Variants in RNF213 observed in about 807,000 individuals in gnomAD.
RNF213 encodes E3 ubiquitin-protein ligase RNF213.
RNF213 carries 341 observed loss-of-function variants against 514.4 expected under a neutral mutation model. That is an observed-to-expected ratio of 0.66 (90% CI 0.61 to 0.73). The LOEUF (loss-of-function observed/expected upper bound fraction) is 0.73. Among genes scored for constraint, RNF213 ranks in the 30% least tolerant of loss-of-function variants. The pLI is 0.00. For missense variants in RNF213, 5,767 were observed against 6,615.6 expected (o/e 0.87, Z 4.45); for synonymous variants, 2,655 against 2,658.2 (o/e 1.00, Z 0.04).
At chr17:80,305,351 G>A (rs2045321702) in intron 11 of RNF213, among the ~76,000 whole-genome samples, 1 of 151,224 alleles carries the variant, frequency 6.6e-6, no homozygotes, top group African/African-American at 2.4e-5. Context: ...GCTAATTTAG[G>A]ATTTTTAGTA....
intron 41 of RNF213, 97 bp from the exon 42 acceptor site, chr17:80,364,336 G>A: frequency 5.7e-6 from 9 of 1,567,200 alleles, no homozygotes; most frequent in East Asian, 2.2e-5. Flanking sequence ...CCTGGACCCC[G>A]GGTCCCGCAT....
At chr17:80,290,424 AGTGTGCGCGT>A (rs1416628046) in intron 6 of RNF213, 136 bp from the exon 7 acceptor site, 11 of 887,824 alleles carry the variant, frequency 1.2e-5, no homozygotes, top group Non-Finnish European at 1.8e-5. Flanking sequence ...CGTGTGTGCG[AGTGTGCGCGT>A]GTGTGCATGT....
Position 80,263,338 on chromosome 17 carries a change from C to T in RNF213, c.-108-236C>T, listed in dbSNP as rs905166846. 6.6e-6 allele frequency among the ~76,000 whole-genome samples: 1 copy of T among 152,200 alleles called. No homozygotes were observed. Among genetic ancestry groups the T allele is most frequent in the Non-Finnish European group, 1.5e-5 (1 of 68,038 alleles). On this transcript the variant is annotated intron_variant, in intron 1 of 67. Transcript: ENST00000582970. The surrounding 1 kb of genome is among the most constrained non-coding windows in gnomAD (Gnocchi z 4.9). Reference sequence around the variant, plus strand: ...CAGGCCGTGGGACCCTGCCGAACAGCACGTGGCTGCCCCACGCCTGCCTGG... The same window carrying T: ...CAGGCCGTGGGACCCTGCCGAACAGTACGTGGCTGCCCCACGCCTGCCTGG...
In RNF213 at chr17:80,386,430, G is replaced by C; in HGVS notation, c.14720G>C (p.Ser4907Thr). ...GAAAAACTCTCCAAGGAAAACAACA[G>C]GTTTGTGCACGAGCCACCAGGAAGT... ...AVEKLSKENNSYSVDAAEVTE... is the reference protein window; with the variant it reads ...AVEKLSKENNTYSVDAAEVTE... The change falls in exon 62 of 68, where the codon AGC becomes ACC. Residue 4907 changes from serine (S) to threonine (T), a missense_variant and splice_region_variant. Ser to Thr is a moderately conservative substitution (Grantham distance 58, BLOSUM62 1). Transcript: ENST00000582970. 6.2e-7 allele frequency: 1 copy of C among 1,614,074 alleles called. No homozygotes were observed. The highest frequency in any genetic ancestry group is 8.5e-7 in the Non-Finnish European group (1 of 1,180,018).
At position 80,309,023 on chromosome 17, in the gene RNF213, C is replaced by T; in HGVS notation, c.2507C>T (p.Pro836Leu). The change falls in exon 14 of 68, where the codon CCC (proline) becomes CTC (leucine). Residue 836 changes from proline (P) to leucine (L), a missense_variant. Around this residue, in one of 13 missense-constraint regions of RNF213, gnomAD observed 592 missense variants for 673.9 expected, o/e 0.88. Transcript: ENST00000582970. The part of the protein sequence containing the change: ...RLLDTYRDKI[P>L]EEALSPSYLT... ...CTTAACTCTTTGCGGGGCAGGATTC[C>T]CGAGGAGGCCTTGTCACCATCCTAC... 1 of 1,613,984 alleles carries T rather than the reference C, an allele frequency of 6.2e-7. No individual in the cohort carries two copies. The highest frequency in any genetic ancestry group is 8.5e-7 in the Non-Finnish European group (1 of 1,179,996).
In RNF213 at chr17:80,353,746, G is replaced by A; in HGVS notation, c.10578+80G>A. 3 of 1,581,368 alleles carry A rather than the reference G, an allele frequency of 1.9e-6. No individual in the cohort carries two copies. Among genetic ancestry groups the A allele is most frequent in the Non-Finnish European group, 2.6e-6 (3 of 1,151,004 alleles). On this transcript the variant is annotated intron_variant, in intron 34 of 67. Coordinates refer to ENST00000582970, the MANE Select transcript of RNF213 (RefSeq NM_001256071.3). The surrounding 1 kb of genome is among the most constrained non-coding windows in gnomAD (Gnocchi z 5.0). ...GCATCTTTAAACGCTTTTGCATTGGGAGCTAGAGGAGTCGCCGCCGCTGTG... is the reference window on the plus strand; with the variant it reads ...GCATCTTTAAACGCTTTTGCATTGGAAGCTAGAGGAGTCGCCGCCGCTGTG...
At position 80,364,508 on chromosome 17, in the gene RNF213, C is replaced by G. The variant is rs182733073; in HGVS notation, c.11826C>G (p.Pro3942=). 9 of 1,614,026 alleles carry G rather than the reference C, an allele frequency of 5.6e-6. No individual in the cohort carries two copies. Among genetic ancestry groups the G allele is most frequent in the Non-Finnish European group, 7.6e-6 (9 of 1,180,034 alleles). The change falls in exon 42 of 68, where the codon CCC becomes CCG. Residue 3942 remains proline (P), a synonymous_variant. Coordinates refer to ENST00000582970, the MANE Select transcript of RNF213 (RefSeq NM_001256071.3). ...TCCTAGGAACCGAGAGCCGCGTCCC[C>G]GAGTTACAGGGGCTGGTGACCGAGC... ...HVLLGTESRV[P]ELQGLVTEHV... is the part of the protein sequence containing the mutation.
rs2046243036 is a variant in RNF213, at chr17:80,325,050, G to C, written c.3045G>C (p.Gln1015His). Residue 1015 changes from glutamine to histidine, a missense_variant, in exon 18 of 68, where the codon CAG becomes CAC. By Grantham distance (24) the Gln-to-His change is conservative. Transcript: ENST00000582970. The part of the protein sequence containing the change: ...SACQSQTSIL[Q>H]GFSYSDLRKF... ...TGTAGTCTCAGACCAGTATCCTTCA[G>C]GGGTTCTCTTACTCTGATTTGCGGA... is the stretch of plus-strand genomic sequence containing the variant. 1.3e-6 allele frequency: 2 copies of C among 1,537,148 alleles called. No homozygotes were observed. Among genetic ancestry groups the C allele is most frequent in the East Asian group, 4.9e-5 (2 of 40,918 alleles).
In RNF213 at chr17:80,353,705, G is replaced by C. The variant is rs1324456499; in HGVS notation, c.10578+39G>C. ...CTTGGGACCTCCCCTTGTGCTGCTG[G>C]TGATGCTTCTGAGCTGCATCTTTAA... is the stretch of plus-strand genomic sequence containing the variant. On this transcript the variant is annotated intron_variant, in intron 34 of 67. Coordinates refer to ENST00000582970, the MANE Select transcript of RNF213 (RefSeq NM_001256071.3). This position sits in a 1 kb window ranked among gnomAD's most constrained non-coding sequence, Gnocchi z 5.0. 1.2e-6 allele frequency: 2 copies of C among 1,613,414 alleles called. No homozygotes were observed. The highest frequency in any genetic ancestry group is 8.5e-7 in the Non-Finnish European group (1 of 1,179,446).
In RNF213 at chr17:80,333,902, G is replaced by A. The variant is rs77374257; in HGVS notation, c.4144-203G>A. 2.5e-3 allele frequency: 1,461 copies of A among 587,734 alleles called. 23 individuals carry two copies. Among genetic ancestry groups the A allele is most frequent in the African/African-American group, 0.023 (1,252 of 53,844 alleles). 36.4% of individuals were successfully genotyped at this position (587,734 alleles called of 1,614,324 possible). A position where few individuals can be genotyped will look rare whatever the true frequency, so the allele number is the denominator to read the frequency against. On this transcript the variant is annotated intron_variant, in intron 21 of 67. Transcript: ENST00000582970. ...GAATATCAGGTTCCCAGGAATCACA[G>A]TTCATCTTGATCAGGGAGAAACAGC... is the stretch of plus-strand genomic sequence containing the variant.
At chr17:80,338,120 C>T in intron 25 of RNF213, 123 bp downstream of exon 25, 2 of 1,224,038 alleles carry the variant, frequency 1.6e-6, no homozygotes, top group South Asian at 2.8e-5. Flanking sequence ...GGGCTCTGCT[C>T]TTAGGCCCAT....
chr17:80,343,790 G>C lies in RNF213; in HGVS notation c.6184-67G>C. 6.5e-7 allele frequency: 1 copy of C among 1,528,978 alleles called. No homozygotes were observed. Among genetic ancestry groups the C allele is most frequent in the Non-Finnish European group, 9.1e-7 (1 of 1,103,494 alleles). 94.7% of individuals were successfully genotyped at this position (1,528,978 alleles called of 1,614,324 possible). On this transcript the variant is annotated intron_variant, in intron 27 of 67. Coordinates refer to ENST00000582970, the MANE Select transcript of RNF213 (RefSeq NM_001256071.3). The surrounding 1 kb of genome is among the most constrained non-coding windows in gnomAD (Gnocchi z 4.3). Reference sequence around the variant, plus strand: ...GTGACAAAGAGCAAAATAAGGAGGGGTTACTTAGAGTTGGGAGAACTCGCC... The same window carrying C: ...GTGACAAAGAGCAAAATAAGGAGGGCTTACTTAGAGTTGGGAGAACTCGCC...
intron 15 of RNF213, among the ~76,000 whole-genome samples, chr17:80,313,847 ACTGGAGGTG>A (rs2045693027): frequency 2.9e-5 from 2 of 69,676 alleles, no homozygotes; most frequent in Admixed American, 2.5e-4. Flanking sequence ...TGGTGGAGGT[ACTGGAGGTG>A]ATGGTGGTGG....
intron 15 of RNF213, among the ~76,000 whole-genome samples, chr17:80,314,226 GTGAAGGTGA>G (rs1243257302): frequency 3.3e-5 from 4 of 121,988 alleles, no homozygotes; most frequent in Admixed American, 7.7e-5. Flanking sequence ...GATGGTGGTG[GTGAAGGTGA>G]TGGTGGAGGT....
chr17:80,381,186 T>G (rs2079985426), intron 56 of RNF213, 199 bp downstream of exon 56: 3 of 651,804 alleles, frequency 4.6e-6, no homozygotes. Context: ...CTCCCCAGAT[T>G]ATACAGAATC....
chr17:80,376,624 T>G, intron 52 of RNF213, 81 bp downstream of exon 52: 1 of 1,588,062 alleles, frequency 6.3e-7, no homozygotes, highest in Non-Finnish European at 8.6e-7. Context: ...GCTGCAGCTG[T>G]GGGAACTCTT....
Position 80,348,163 on chromosome 17 carries a change from C to A in RNF213, c.9828C>A (p.Gly3276=), listed in dbSNP as rs558060490. Residue 3276 remains glycine, a synonymous_variant, in exon 29 of 68, where the codon GGC becomes GGA. Coordinates refer to ENST00000582970, the MANE Select transcript of RNF213 (RefSeq NM_001256071.3). ...AVVRLSAYSL[G]GFAAEWLSQE... ...TCCGGCTGAGCGCCTACTCGCTGGGCGGGTTCGCAGCGGAGTGGCTGTCGC... is the reference window on the plus strand; with the variant it reads ...TCCGGCTGAGCGCCTACTCGCTGGGAGGGTTCGCAGCGGAGTGGCTGTCGC... The A allele has an allele frequency of 1.2e-6, 2 of 1,613,910 alleles. No individual in the cohort carries two copies. The highest frequency in any genetic ancestry group is 8.5e-7 in the Non-Finnish European group (1 of 1,180,052).
chr17:80,381,408 G>A, intron 56 of RNF213, 139 bp from the exon 57 acceptor site: 1 of 873,662 alleles, frequency 1.1e-6, no homozygotes, highest in Non-Finnish European at 1.9e-6. Context: ...CCTTTCACCT[G>A]GATCACTCCG....
intron 7 of RNF213, 84 bp downstream of exon 7, chr17:80,290,812 TG>T (rs2044695787): frequency 3.0e-5 from 45 of 1,515,848 alleles, no homozygotes; most frequent in East Asian, 1.4e-4. Context: ...AAAAAAATTT[TG>T]TTTTTTTTTT....
Sources: allele counts gnomAD v4.1 joint callset (sites outside exome capture counted in the v4.1 genomes callset), GRCh38; gene constraint gnomAD v4.1.1; regional missense constraint gnomAD v4.1.1; non-coding constraint Gnocchi (gnomAD v3.1); transcripts MANE v1.5; gene names NCBI Gene and HGNC (gene_info 2026-07-23, HGNC 2026-07-21).